Variants in SUMF1 observed in about 807,000 individuals in gnomAD.
SUMF1 encodes the protein sulfatase modifying factor 1.
Under a neutral mutation model 47.6 loss-of-function variants are expected in SUMF1, and 48 were observed. That is an observed-to-expected ratio of 1.01 (90% CI 0.80 to 1.28). SUMF1 has a LOEUF of 1.28. SUMF1 is among the 50% of genes most tolerant of loss of function. The pLI is 0.00. For synonymous variants in SUMF1, 230 were observed against 192.1 expected (o/e 1.20, Z -1.63); for missense variants, 571 against 485.4 (o/e 1.18, Z -1.66).
chr3:4,051,470 A>G (rs1005326082), intron 9 of SUMF1, among the ~76,000 whole-genome samples: 1 of 152,166 alleles, frequency 6.6e-6, no homozygotes, highest in Non-Finnish European at 1.5e-5. Context: ...GCTGTAAAGG[A>G]AAAAAATCCC....
intron 8 of SUMF1, among the ~76,000 whole-genome samples, chr3:4,238,826 G>C (rs1696469731): frequency 1.3e-5 from 2 of 152,262 alleles, no homozygotes; most frequent in South Asian, 2.1e-4. Flanking sequence ...TGCTTTTGGT[G>C]TTTTAGTCAT....
At chr3:4,355,759 G>A (rs1415037761) in intron 8 of SUMF1, among the ~76,000 whole-genome samples, 2 of 152,160 alleles carry the variant, frequency 1.3e-5, no homozygotes, top group African/African-American at 4.8e-5. Context: ...GGGCGGGAGA[G>A]CAATCCTATC....
At chr3:4,384,454 TTA>T (rs1374565637) in intron 7 of SUMF1, among the ~76,000 whole-genome samples, 2 of 152,192 alleles carry the variant, frequency 1.3e-5, no homozygotes, top group African/African-American at 4.8e-5. Flanking sequence ...CGTTGCCCTT[TTA>T]TAGTTACGAC....
intron 8 of SUMF1, among the ~76,000 whole-genome samples, chr3:4,259,875 A>G (rs938851946): frequency 1.2e-4 from 16 of 133,976 alleles, no homozygotes; most frequent in African/African-American, 3.4e-4. Context: ...AACTATTACC[A>G]TTTGTTTAAA....
chr3:4,364,265 T>G (rs1575134882), intron 8 of SUMF1, among the ~76,000 whole-genome samples: 1 of 116,196 alleles, frequency 8.6e-6, no homozygotes, highest in Non-Finnish European at 2.0e-5. Context: ...GATTCCCTCT[T>G]TTTCTATTGA....
intron 9 of SUMF1, among the ~76,000 whole-genome samples, chr3:4,065,927 G>A (rs751084765): frequency 2.6e-5 from 4 of 152,106 alleles, no homozygotes; most frequent in Non-Finnish European, 5.9e-5. Flanking sequence ...GGGAAAAAAT[G>A]AGGGGAACAG....
At chr3:4,170,950 T>C (rs751135539) in intron 8 of SUMF1, among the ~76,000 whole-genome samples, 7 of 152,270 alleles carry the variant, frequency 4.6e-5, no homozygotes, top group Non-Finnish European at 1.0e-4. Context: ...GATGGAAAAG[T>C]TGAAAAAGTT....
In SUMF1 at chr3:4,445,031, G is replaced by A. The variant is rs114089996; in HGVS notation, c.519+4235C>T. On this transcript the variant is annotated intron_variant, in intron 3 of 8. Coordinates refer to ENST00000272902, the MANE Select transcript of SUMF1 (RefSeq NM_182760.4). ...AGGACAGTTGCTTAAAGCTGGGGAT[G>A]GGAATCGGTAATGACCACAAATGGG... 6.4e-3 allele frequency among the ~76,000 whole-genome samples: 982 copies of A among 152,280 alleles called. 10 individuals are homozygous for A. The highest frequency in any genetic ancestry group is 0.023 in the African/African-American group (939 of 41,562).
intron 8 of SUMF1, among the ~76,000 whole-genome samples, chr3:4,368,149 A>G (rs1222045040): frequency 1.3e-5 from 2 of 152,216 alleles, no homozygotes; most frequent in African/African-American, 2.4e-5. Context: ...AGAAAAAAAC[A>G]AACAACCCCA....
intron 8 of SUMF1, among the ~76,000 whole-genome samples, chr3:4,086,639 T>G (rs1262966373): frequency 1.3e-5 from 2 of 152,084 alleles, no homozygotes; most frequent in African/African-American, 2.4e-5. Context: ...CATACAGTTA[T>G]AATGAACTAG....
chr3:4,343,810 C>G (rs1487555265), intron 8 of SUMF1, among the ~76,000 whole-genome samples: 1 of 152,148 alleles, frequency 6.6e-6, no homozygotes, highest in Non-Finnish European at 1.5e-5. Flanking sequence ...AGGAATTTAT[C>G]TCACAGAAAT....
At chr3:4,082,118 A>G (rs1473192276) in intron 8 of SUMF1, among the ~76,000 whole-genome samples, 1 of 152,152 alleles carries the variant, frequency 6.6e-6, no homozygotes, top group Admixed American at 6.5e-5. Context: ...TGATGACAGG[A>G]TATATGGGAA....
chr3:4,210,038 G>T (rs1397289670), intron 8 of SUMF1, among the ~76,000 whole-genome samples: 1 of 152,050 alleles, frequency 6.6e-6, no homozygotes, highest in Non-Finnish European at 1.5e-5. Context: ...GAGATTACAG[G>T]TGTGTTCCAC....
At chr3:4,253,114 C>G (rs528051314) in intron 8 of SUMF1, among the ~76,000 whole-genome samples, 1 of 152,188 alleles carries the variant, frequency 6.6e-6, no homozygotes, top group Non-Finnish European at 1.5e-5. Context: ...AAAAAAGGCA[C>G]TGTGAAAAGG....
intron 8 of SUMF1, chr3:4,317,097 G>A: frequency 6.5e-7 from 1 of 1,547,758 alleles, no homozygotes; most frequent in Non-Finnish European, 8.7e-7. Flanking sequence ...CTTTTTGCAG[G>A]GAAAACGCTT....
chr3:4,268,049 T>C (rs1300957330), intron 8 of SUMF1, among the ~76,000 whole-genome samples: 6 of 152,300 alleles, frequency 3.9e-5, no homozygotes, highest in African/African-American at 1.4e-4. Flanking sequence ...TGGAATACTA[T>C]GCAGCCATAA....
chr3:4,082,194 A>G lies in SUMF1; in HGVS notation c.1015-13449T>C, dbSNP rs192268347. Among the ~76,000 whole-genome samples the G allele has an allele frequency of 1.8e-4, 28 of 152,264 alleles. No homozygotes were observed. In the East Asian group the frequency reaches 4.6e-3, roughly 25 times the overall value. The stretch of plus-strand genomic sequence containing the variant: ...TTATTTTAAAAAAGTTAGCCTGGGC[A>G]TGGTGACTCACACCTGTAATCCCAG... On this transcript the variant is annotated intron_variant and NMD_transcript_variant, in intron 8 of 12. Transcript: ENST00000448413.
intron 8 of SUMF1, among the ~76,000 whole-genome samples, chr3:4,287,741 A>G (rs1167336606): frequency 2.0e-5 from 3 of 152,230 alleles, no homozygotes; most frequent in African/African-American, 7.2e-5. Context: ...AAGGTGCCTC[A>G]GTGCAGTTTA....
At chr3:4,234,281 C>T (rs76727404) in intron 8 of SUMF1, among the ~76,000 whole-genome samples, 2,644 of 151,660 alleles carry the variant, frequency 0.017, 97 homozygotes, top group African/African-American at 0.06. Flanking sequence ...GAAATAAATT[C>T]GCATGCAAGA....
Sources: gnomAD v4.1 joint callset for allele counts (sites outside exome capture counted in the v4.1 genomes callset) on GRCh38, gnomAD v4.1.1 for gene constraint, MANE v1.5 for transcripts, NCBI Gene and HGNC (gene_info 2026-07-23, HGNC 2026-07-21) for gene names.